The following SPAG16 variants were observed in gnomAD, a reference collection of about 807,000 sequenced individuals.
SPAG16 encodes the protein sperm-associated antigen 16 protein.
Under a neutral mutation model 80.4 loss-of-function variants are expected in SPAG16, and 86 were observed. That is an observed-to-expected ratio of 1.07 (90% CI 0.90 to 1.28). The LOEUF is 1.28. Ranked by LOEUF, SPAG16 falls within the 50% of genes most tolerant of loss-of-function variation. SPAG16 has a pLI of 0.00. For synonymous variants in SPAG16, 294 were observed against 265.9 expected, an observed-to-expected ratio of 1.11 and a Z score of -1.03; for missense variants, 870 against 765.3, an observed-to-expected ratio of 1.14 and a Z score of -1.61.
intron 15 of SPAG16, among the ~76,000 whole-genome samples, chr2:214,322,891 C>T (rs1043293769): frequency 1.3e-5 from 2 of 152,148 alleles, no homozygotes; most frequent in Non-Finnish European, 2.9e-5. Flanking sequence ...GGAACCAAGC[C>T]CATGACCCTA....
At chr2:213,411,168 C>T (rs961145026) in intron 9 of SPAG16, among the ~76,000 whole-genome samples, 1 of 152,196 alleles carries the variant, frequency 6.6e-6, no homozygotes, top group Non-Finnish European at 1.5e-5. Flanking sequence ...CCCTTTCACC[C>T]TGGCATTTCA....
chr2:213,764,493 G>A (rs964074580), intron 10 of SPAG16, among the ~76,000 whole-genome samples: 1 of 152,114 alleles, frequency 6.6e-6, no homozygotes, highest in Non-Finnish European at 1.5e-5. Context: ...TTGCAACGTA[G>A]TAGATGATAT....
At chr2:214,068,399 A>G (rs1162140490) in intron 13 of SPAG16, among the ~76,000 whole-genome samples, 1 of 152,132 alleles carries the variant, frequency 6.6e-6, no homozygotes, top group Non-Finnish European at 1.5e-5. Flanking sequence ...CTGGACATAG[A>G]GCCTTGATTT....
intron 15 of SPAG16, among the ~76,000 whole-genome samples, chr2:214,264,395 T>A (rs1175535850): frequency 6.6e-6 from 1 of 152,162 alleles, no homozygotes; most frequent in Non-Finnish European, 1.5e-5. Flanking sequence ...CTATGCTCAC[T>A]AATCCATTTG....
In SPAG16 at chr2:213,414,779, G is replaced by A. The variant is rs191531481; in HGVS notation, c.942+39660G>A. ...CCGCTGATAAACTATTTGACCTAGA[G>A]TCTTATAAATGATAAATGAGGACTT... On this transcript the variant is annotated intron_variant, in intron 9 of 15. Transcript: ENST00000331683. 6.6e-5 allele frequency among the ~76,000 whole-genome samples: 10 copies of A among 152,308 alleles called. No individual in the cohort carries two copies. In the East Asian group the frequency reaches 1.7e-3, roughly 26 times the overall value.
At chr2:213,408,117 GAAAA>G (rs558288380) in intron 9 of SPAG16, among the ~76,000 whole-genome samples, 1 of 135,080 alleles carries the variant, frequency 7.4e-6, no homozygotes, top group Admixed American at 7.2e-5. Context: ...CAAAAACAAA[GAAAA>G]AAAAACAAAA....
intron 6 of SPAG16, among the ~76,000 whole-genome samples, chr2:213,348,982 A>G (rs1021626226): frequency 5.9e-5 from 9 of 152,232 alleles, no homozygotes; most frequent in Non-Finnish European, 1.2e-4. Context: ...ACAAGTCTCT[A>G]TACATTTCAA....
At chr2:213,840,900 C>T (rs772934589) in intron 10 of SPAG16, among the ~76,000 whole-genome samples, 1 of 152,104 alleles carries the variant, frequency 6.6e-6, no homozygotes, top group Non-Finnish European at 1.5e-5. Flanking sequence ...AGACCATAAG[C>T]TAAAATAATA....
intron 10 of SPAG16, among the ~76,000 whole-genome samples, chr2:213,815,130 T>A (rs560997020): frequency 6.6e-6 from 1 of 152,126 alleles, no homozygotes; most frequent in Non-Finnish European, 1.5e-5. Context: ...TTCTGGGCAA[T>A]CAAGTTTCAA....
chr2:213,889,045 ATT>A (rs903437540), intron 11 of SPAG16, among the ~76,000 whole-genome samples: 1 of 151,888 alleles, frequency 6.6e-6, no homozygotes, highest in Non-Finnish European at 1.5e-5. Context: ...CCTTTAAGGG[ATT>A]TTTTTAAAGG....
chr2:213,564,063 A>G (rs1040559301), intron 10 of SPAG16, among the ~76,000 whole-genome samples: 1 of 152,194 alleles, frequency 6.6e-6, no homozygotes, highest in African/African-American at 2.4e-5. Context: ...GATGTGATCT[A>G]TGACTTCCTC....
intron 14 of SPAG16, among the ~76,000 whole-genome samples, chr2:214,144,956 TTA>T (rs970594734): frequency 4.6e-5 from 7 of 151,950 alleles, no homozygotes; most frequent in African/African-American, 1.4e-4. Flanking sequence ...ATAGAAAAAA[TTA>T]TGTTACTATA....
chr2:213,308,816 A>G (rs1316972701), intron 3 of SPAG16, among the ~76,000 whole-genome samples: 2 of 152,140 alleles, frequency 1.3e-5, no homozygotes, highest in African/African-American at 2.4e-5. Flanking sequence ...TAATTGAAGA[A>G]GCAGAAGTTG....
At chr2:213,840,774 G>A (rs1192640279) in intron 10 of SPAG16, among the ~76,000 whole-genome samples, 1 of 152,134 alleles carries the variant, frequency 6.6e-6, no homozygotes, top group African/African-American at 2.4e-5. Context: ...CCTGTCACTA[G>A]GTAGTCCTAG....
chr2:213,307,834 C>T (rs2126107599), intron 3 of SPAG16, among the ~76,000 whole-genome samples: 1 of 152,208 alleles, frequency 6.6e-6, no homozygotes, highest in South Asian at 2.1e-4. Context: ...TCTCCACATC[C>T]TCTCCAGCAC....
chr2:213,630,790 G>A (rs983332400), intron 10 of SPAG16, among the ~76,000 whole-genome samples: 7 of 152,112 alleles, frequency 4.6e-5, no homozygotes, highest in Non-Finnish European at 8.8e-5. Context: ...GAACAATTAA[G>A]AGCACTACCA....
chr2:213,649,957 G>A (rs2062963868), intron 10 of SPAG16, among the ~76,000 whole-genome samples: 1 of 152,012 alleles, frequency 6.6e-6, no homozygotes, highest in Non-Finnish European at 1.5e-5. Flanking sequence ...AAATAAAGGG[G>A]CTCAGAGGCT....
intron 15 of SPAG16, among the ~76,000 whole-genome samples, chr2:214,313,378 T>G (rs1371247078): frequency 6.6e-6 from 1 of 152,144 alleles, no homozygotes; most frequent in Non-Finnish European, 1.5e-5. Context: ...TTAATTTACA[T>G]GTGTCAGAGT....
intron 15 of SPAG16, among the ~76,000 whole-genome samples, chr2:214,298,913 T>C (rs961038903): frequency 2.0e-5 from 3 of 152,186 alleles, no homozygotes; most frequent in African/African-American, 7.2e-5. Flanking sequence ...TAAATATTTG[T>C]GAGTGCCTAG....
Sources: gnomAD v4.1 joint callset for allele counts (sites outside exome capture counted in the v4.1 genomes callset) on GRCh38, gnomAD v4.1.1 for gene constraint, MANE v1.5 for transcripts, NCBI Gene and HGNC (gene_info 2026-07-23, HGNC 2026-07-21) for gene names.